Variants in DSCAM observed in about 807,000 individuals in gnomAD.
DSCAM encodes cell adhesion molecule DSCAM.
In DSCAM, 47 loss-of-function variants were observed where a neutral mutation model predicts 217.7. The ratio of observed to expected loss-of-function variants is 0.22; its 90% CI spans 0.17 to 0.28. DSCAM has a LOEUF of 0.28. Ranked by LOEUF, DSCAM falls within the 10% of genes least tolerant of loss-of-function variation. The pLI is 1.00. For missense variants in DSCAM, 2,080 were observed against 2,618.3 expected, an observed-to-expected ratio of 0.79 and a Z score of 4.49; for synonymous variants, 1,056 against 1,015.3, an observed-to-expected ratio of 1.04 and a Z score of -0.76.
intron 3 of DSCAM, among the ~76,000 whole-genome samples, chr21:40,613,329 C>T (rs1051987286): frequency 1.3e-5 from 2 of 152,048 alleles, no homozygotes; most frequent in African/African-American, 4.8e-5. Context: ...GTTTGTGCAC[C>T]AAAGCAAAGC....
intron 20 of DSCAM, among the ~76,000 whole-genome samples, chr21:40,119,836 A>AGC (rs1322924681): frequency 6.6e-6 from 1 of 152,136 alleles, no homozygotes; most frequent in Non-Finnish European, 1.5e-5. Flanking sequence ...GAATGAACAC[A>AGC]GCGATGAGTA....
intron 11 of DSCAM, among the ~76,000 whole-genome samples, chr21:40,189,531 A>T (rs2090932804): frequency 6.6e-6 from 1 of 152,148 alleles, no homozygotes. Context: ...AGAATGATTG[A>T]TATGGGTTGG....
Position 40,748,208 on chromosome 21 carries a change from C to G in DSCAM, c.44-39437G>C, listed in dbSNP as rs2091193694. Among the ~76,000 whole-genome samples the G allele has an allele frequency of 3.3e-5, 5 of 151,974 alleles. No homozygotes were observed. The South Asian group carries it at 1.0e-3, about 32-fold the overall frequency. ...TTTGTTCAACATAGCACTGAAGATTCTGTCCAGAGTAATTAGGCAAGGGAA... is the reference window on the plus strand; with the variant it reads ...TTTGTTCAACATAGCACTGAAGATTGTGTCCAGAGTAATTAGGCAAGGGAA... On this transcript the variant is annotated intron_variant, in intron 1 of 32. Transcript: ENST00000400454.
intron 3 of DSCAM, among the ~76,000 whole-genome samples, chr21:40,409,406 C>T (rs1432587672): frequency 6.6e-6 from 1 of 152,192 alleles, no homozygotes; most frequent in Non-Finnish European, 1.5e-5. Flanking sequence ...GAAATCTCTG[C>T]TTTTCCAGAG....
chr21:40,715,054 C>T (rs1347368284), intron 1 of DSCAM, among the ~76,000 whole-genome samples: 1 of 152,218 alleles, frequency 6.6e-6, no homozygotes, highest in African/African-American at 2.4e-5. Context: ...ATGACCTTCA[C>T]CTGATGGCCT....
At chr21:40,467,650 T>C (rs2075855711) in intron 3 of DSCAM, among the ~76,000 whole-genome samples, 1 of 152,170 alleles carries the variant, frequency 6.6e-6, no homozygotes, top group Non-Finnish European at 1.5e-5. Flanking sequence ...GAGGGTAATT[T>C]GTTAAAATAT....
chr21:40,713,148 AGAT>A (rs1441314486), intron 1 of DSCAM, among the ~76,000 whole-genome samples: 8 of 152,258 alleles, frequency 5.3e-5, no homozygotes, highest in African/African-American at 1.9e-4. Context: ...GGATGTTGGC[AGAT>A]GATATCTACC....
chr21:40,497,362 A>G (rs1309675345), intron 3 of DSCAM, among the ~76,000 whole-genome samples: 1 of 152,154 alleles, frequency 6.6e-6, no homozygotes, highest in African/African-American at 2.4e-5. Context: ...GTTAAGTAAA[A>G]TAAGCCAGAC....
intron 3 of DSCAM, among the ~76,000 whole-genome samples, chr21:40,447,183 G>A (rs1164372830): frequency 6.6e-6 from 1 of 152,142 alleles, no homozygotes; most frequent in East Asian, 1.9e-4. Flanking sequence ...CTAAGGTTGG[G>A]CATGTAGGTG....
chr21:40,332,657 A>G (rs2074389233), intron 8 of DSCAM, among the ~76,000 whole-genome samples: 2 of 152,222 alleles, frequency 1.3e-5, no homozygotes, highest in South Asian at 4.1e-4. Context: ...TGTTAAGTTG[A>G]AATGAAGTGA....
intron 2 of DSCAM, among the ~76,000 whole-genome samples, chr21:40,708,152 T>C (rs1169582699): frequency 6.6e-6 from 1 of 152,108 alleles, no homozygotes; most frequent in Non-Finnish European, 1.5e-5. Flanking sequence ...GCAAACACAT[T>C]GGGTTTGAGA....
chr21:40,562,077 G>A (rs571206602), intron 3 of DSCAM, among the ~76,000 whole-genome samples: 1 of 152,260 alleles, frequency 6.6e-6, no homozygotes, highest in South Asian at 2.1e-4. Flanking sequence ...GGGCTCAAAT[G>A]TTTTGCTTTT....
intron 22 of DSCAM, among the ~76,000 whole-genome samples, chr21:40,086,094 T>G (rs1309173615): frequency 3.9e-5 from 6 of 152,364 alleles, no homozygotes; most frequent in African/African-American, 1.4e-4. Context: ...TATCCTCATT[T>G]TGGCAATTCT....
At chr21:40,620,382 G>GAA (rs1284868676) in intron 3 of DSCAM, among the ~76,000 whole-genome samples, 1 of 89,858 alleles carries the variant, frequency 1.1e-5, no homozygotes, top group African/African-American at 3.5e-5. Context: ...AAGAAAGAAA[G>GAA]AAAGAGAAAG....
chr21:40,305,654 A>C (rs2074065414), intron 9 of DSCAM, among the ~76,000 whole-genome samples: 1 of 152,138 alleles, frequency 6.6e-6, no homozygotes, highest in African/African-American at 2.4e-5. Context: ...TCAGCTTTCT[A>C]CATATGGCTA....
intron 1 of DSCAM, among the ~76,000 whole-genome samples, chr21:40,771,441 A>AC (rs1169923286): frequency 1.3e-5 from 2 of 152,240 alleles, no homozygotes. Flanking sequence ...TGAAAGCAGA[A>AC]CCCCTTGAAA....
chr21:40,038,088 A>C (rs1166052182), intron 32 of DSCAM, among the ~76,000 whole-genome samples: 1 of 151,890 alleles, frequency 6.6e-6, no homozygotes, highest in Non-Finnish European at 1.5e-5. Flanking sequence ...AGGCATTACC[A>C]TTCAGGACAT....
chr21:40,056,038 C>T (rs1330422431), intron 28 of DSCAM, among the ~76,000 whole-genome samples, 198 bp from the exon 29 acceptor site: 1 of 152,162 alleles, frequency 6.6e-6, no homozygotes, highest in African/African-American at 2.4e-5. Flanking sequence ...TTTCAGCTGG[C>T]TGGAGAGTTT....
At chr21:40,085,571 T>C (rs935707921) in intron 23 of DSCAM, 31 bp downstream of exon 23, 1 of 1,452,618 alleles carries the variant, frequency 6.9e-7, no homozygotes, top group Non-Finnish European at 9.2e-7. Flanking sequence ...ATGTAAAAGA[T>C]ATCATTAAAA....
Sources: allele counts gnomAD v4.1 joint callset (sites outside exome capture counted in the v4.1 genomes callset), GRCh38; gene constraint gnomAD v4.1.1; transcripts MANE v1.5; gene names NCBI Gene and HGNC (gene_info 2026-07-23, HGNC 2026-07-21).